The following ME1 variants were observed in gnomAD, a reference collection of about 807,000 sequenced individuals.
The protein encoded by ME1 is NADP-dependent malic enzyme.
Under a neutral mutation model 66.4 loss-of-function variants are expected in ME1, and 74 were observed. That is an observed-to-expected ratio of 1.11 (90% CI 0.92 to 1.35). The LOEUF (loss-of-function observed/expected upper bound fraction) is 1.35. ME1 is among the 40% of genes most tolerant of loss of function. The pLI is 0.00. For synonymous variants in ME1, 251 were observed against 235.6 expected, an observed-to-expected ratio of 1.07 and a Z score of -0.60; for missense variants, 750 against 694.1, an observed-to-expected ratio of 1.08 and a Z score of -0.90.
At chr6:83,401,067 T>G (rs752815744) in intron 2 of ME1, among the ~76,000 whole-genome samples, 54 of 152,232 alleles carry the variant, frequency 3.5e-4, no homozygotes, top group African/African-American at 1.3e-3. Flanking sequence ...TCTCAGCTCC[T>G]CTTTACCCTG....
intron 6 of ME1, among the ~76,000 whole-genome samples, chr6:83,296,863 A>G (rs1767607185): frequency 6.6e-6 from 1 of 151,886 alleles, no homozygotes; most frequent in Admixed American, 6.6e-5. Flanking sequence ...TGTATTAAAC[A>G]TCTTTAGGGT....
At chr6:83,340,085 A>T (rs1220715262) in intron 5 of ME1, among the ~76,000 whole-genome samples, 6 of 152,204 alleles carry the variant, frequency 3.9e-5, no homozygotes, top group Non-Finnish European at 2.9e-5. Context: ...TATTACAAGT[A>T]CATAGAAAAG....
At chr6:83,302,322 G>A (rs953700086) in intron 6 of ME1, among the ~76,000 whole-genome samples, 2 of 151,860 alleles carry the variant, frequency 1.3e-5, no homozygotes, top group African/African-American at 4.8e-5. Flanking sequence ...TTGGGAGGAG[G>A]GAGAAGAGCA....
intron 6 of ME1, among the ~76,000 whole-genome samples, chr6:83,259,699 G>A (rs1766848550): frequency 6.6e-6 from 1 of 152,146 alleles, no homozygotes; most frequent in Non-Finnish European, 1.5e-5. Context: ...CGAAGAAGAT[G>A]GATGTGTTAA....
At chr6:83,363,048 T>C (rs950877111) in intron 3 of ME1, among the ~76,000 whole-genome samples, 1 of 152,130 alleles carries the variant, frequency 6.6e-6, no homozygotes, top group Non-Finnish European at 1.5e-5. Context: ...AGGCCACGGA[T>C]ACTCTGAATC....
intron 3 of ME1, among the ~76,000 whole-genome samples, chr6:83,354,318 G>A (rs528062429): frequency 6.6e-6 from 1 of 152,240 alleles, no homozygotes; most frequent in South Asian, 2.1e-4. Context: ...GTAGACATGA[G>A]ATGGGGTTTC....
At chr6:83,293,375 A>G (rs1355092560) in intron 6 of ME1, among the ~76,000 whole-genome samples, 1 of 152,118 alleles carries the variant, frequency 6.6e-6, no homozygotes, top group Non-Finnish European at 1.5e-5. Context: ...TTCATCTTGC[A>G]AAACTGAAAC....
chr6:83,237,951 G>A, intron 8 of ME1, 121 bp from the exon 9 acceptor site: 1 of 499,376 alleles, frequency 2.0e-6, no homozygotes, highest in East Asian at 3.2e-5. Context: ...TTTAGGTTAA[G>A]CCAAATAACA....
intron 3 of ME1, among the ~76,000 whole-genome samples, chr6:83,377,204 T>C (rs962759689): frequency 6.6e-6 from 1 of 152,236 alleles, no homozygotes; most frequent in Non-Finnish European, 1.5e-5. Flanking sequence ...GTGATGATTA[T>C]GATGATGGGG....
intron 6 of ME1, among the ~76,000 whole-genome samples, chr6:83,300,939 C>T (rs557260294): frequency 2.0e-4 from 31 of 152,182 alleles, no homozygotes; most frequent in African/African-American, 5.8e-4. Context: ...ATCAAACTAT[C>T]GCAAGGACAG....
chr6:83,302,749 A>G (rs1335888595), intron 6 of ME1, among the ~76,000 whole-genome samples: 2 of 152,212 alleles, frequency 1.3e-5, no homozygotes, highest in Admixed American at 6.5e-5. Context: ...AAGAAGTGTG[A>G]CAGAACAATG....
intron 11 of ME1, 65 bp downstream of exon 11, chr6:83,227,270 T>C (rs1207888888): frequency 5.8e-6 from 7 of 1,198,304 alleles, no homozygotes; most frequent in Non-Finnish European, 7.7e-6. Flanking sequence ...ACCTTAGATA[T>C]CCTAGGCCTC....
chr6:83,234,421 T>C (rs1034102381), intron 9 of ME1, among the ~76,000 whole-genome samples: 4 of 152,148 alleles, frequency 2.6e-5, no homozygotes, highest in Non-Finnish European at 4.4e-5. Context: ...GTCTGAGGTC[T>C]CCACAATCAC....
intron 3 of ME1, chr6:83,393,542 C>G (rs1465302492): frequency 3.7e-6 from 1 of 269,198 alleles, no homozygotes; most frequent in African/African-American, 2.3e-5. Context: ...TGCAGACCCC[C>G]TAAAAGGGAG....
chr6:83,296,544 A>C lies in ME1; in HGVS notation c.704+18766T>G, dbSNP rs190232309. 1.2e-3 allele frequency among the ~76,000 whole-genome samples: 189 copies of C among 152,330 alleles called. 2 individuals are homozygous for C. The highest frequency in any genetic ancestry group is 4.0e-3 in the African/African-American group (166 of 41,572). On this transcript the variant is annotated intron_variant, in intron 6 of 13. Transcript: ENST00000369705. ...AAAATAATAAGAGCCATCTATGACA[A>C]ACCAACAGCCAACATCATGCTGAAT...
chr6:83,227,301 G>T, intron 11 of ME1, 34 bp downstream of exon 11: 3 of 1,409,136 alleles, frequency 2.1e-6, no homozygotes, highest in South Asian at 3.3e-5. Flanking sequence ...ATAAAAATTT[G>T]ATTATTAAAA....
At position 83,260,872 on chromosome 6, in the gene ME1, T is replaced by C. The variant is rs192734398; in HGVS notation, c.705-7134A>G. 3.3e-5 allele frequency among the ~76,000 whole-genome samples: 5 copies of C among 152,294 alleles called. No individual in the cohort carries two copies. In the East Asian group the frequency reaches 9.7e-4, roughly 29 times the overall value. Reference sequence around the variant, plus strand: ...AGTGTATCACTGATGGGCATTTAGGTTGATTCCATGTCTTTGCTATTGTGA... The same window carrying C: ...AGTGTATCACTGATGGGCATTTAGGCTGATTCCATGTCTTTGCTATTGTGA... On this transcript the variant is annotated intron_variant, in intron 6 of 13. Transcript: ENST00000369705.
intron 6 of ME1, among the ~76,000 whole-genome samples, chr6:83,283,545 A>C (rs1273168747): frequency 6.6e-6 from 1 of 152,102 alleles, no homozygotes; most frequent in Non-Finnish European, 1.5e-5. Flanking sequence ...CTGTGTAACA[A>C]ACCTGCACGT....
chr6:83,352,675 C>A (rs531600189), intron 3 of ME1, among the ~76,000 whole-genome samples: 1 of 152,238 alleles, frequency 6.6e-6, no homozygotes, highest in South Asian at 2.1e-4. Flanking sequence ...ATCTTAGTTG[C>A]CGTTTGCAAC....
Sources: gnomAD v4.1 joint callset for allele counts (sites outside exome capture counted in the v4.1 genomes callset) on GRCh38, gnomAD v4.1.1 for gene constraint, MANE v1.5 for transcripts, NCBI Gene and HGNC (gene_info 2026-07-23, HGNC 2026-07-21) for gene names.